The following GALNT5 variants were observed in gnomAD, a reference collection of about 807,000 sequenced individuals.
GALNT5 encodes polypeptide N-acetylgalactosaminyltransferase 5.
In GALNT5, 72 loss-of-function variants were observed where a neutral mutation model predicts 85.4. That is an observed-to-expected ratio of 0.84 (90% CI 0.70 to 1.03). The LOEUF is 1.03. Among genes scored for constraint, GALNT5 ranks in the 50% least tolerant of loss-of-function variants. The pLI is 0.00. For missense variants in GALNT5, 1,137 were observed against 1,135.5 expected (o/e 1.00, Z -0.02); for synonymous variants, 404 against 397.0 (o/e 1.02, Z -0.21).
At chr2:157,308,796 C>A in intron 9 of GALNT5, 68 bp downstream of exon 9, 1 of 1,240,684 alleles carries the variant, frequency 8.1e-7, no homozygotes, top group Non-Finnish European at 1.1e-6. Flanking sequence ...ACATAAAATT[C>A]TCATTGTCAC....
At chr2:157,290,112 T>TATATATATACAC (rs1416458086) in intron 3 of GALNT5, among the ~76,000 whole-genome samples, 1 of 138,260 alleles carries the variant, frequency 7.2e-6, no homozygotes, top group African/African-American at 3.1e-5. Flanking sequence ...TATATATATA[T>TATATATATACAC]ACATACACAA....
chr2:157,259,212 C>T lies in GALNT5; in HGVS notation c.1130C>T (p.Pro377Leu), dbSNP rs1405373331. Residue 377 changes from proline to leucine, a missense_variant, in exon 1 of 10, where the codon CCA (proline) becomes CTA (leucine). By Grantham distance (98) the Pro-to-Leu change is moderately conservative (BLOSUM62 -3). Transcript: ENST00000259056. ...TCTTCACTTGCTCCACATAGAGTGC[C>T]ACTGTCCCAAACTAACCATGCTTTA... The part of the protein sequence containing the change: ...SSSSLAPHRV[P>L]LSQTNHALTG... The T allele has an allele frequency of 6.3e-7, 1 of 1,587,352 alleles. No homozygotes were observed. The highest frequency in any genetic ancestry group is 1.2e-5 in the South Asian group (1 of 86,038).
chr2:157,268,314 G>A (rs1682504383), intron 1 of GALNT5, among the ~76,000 whole-genome samples: 1 of 152,184 alleles, frequency 6.6e-6, no homozygotes, highest in African/African-American at 2.4e-5. Flanking sequence ...GAAGCCAGGA[G>A]GGTGGGACGC....
chr2:157,261,233 T>G (rs1269781258), intron 1 of GALNT5, among the ~76,000 whole-genome samples: 2 of 150,714 alleles, frequency 1.3e-5, no homozygotes, highest in African/African-American at 4.9e-5. Flanking sequence ...AATTAGACAC[T>G]GCACAGAAGC....
intron 3 of GALNT5, among the ~76,000 whole-genome samples, chr2:157,291,044 CG>C (rs1376407471): frequency 2.6e-5 from 4 of 151,980 alleles, no homozygotes; most frequent in Admixed American, 2.6e-4. Flanking sequence ...ACAGGTAGGC[CG>C]GGGCAATGGA....
chr2:157,290,084 A>ATGTATATATAT (rs1683062281), intron 3 of GALNT5, among the ~76,000 whole-genome samples: 11 of 33,688 alleles, frequency 3.3e-4, no homozygotes, highest in Admixed American at 7.3e-4. Flanking sequence ...AAAAAAAAAA[A>ATGTATATATAT]ATGTATATAT....
chr2:157,258,556 G>T lies in GALNT5; in HGVS notation c.474G>T (p.Gly158=). ...AACCTGAAGCCTCCTCTCACCAGGGGACACCAAAGCAAACGACAGCTCAGG... is the reference window on the plus strand; with the variant it reads ...AACCTGAAGCCTCCTCTCACCAGGGTACACCAAAGCAAACGACAGCTCAGG... ...GTKPEASSHQ[G]TPKQTTAQGA... The change falls in exon 1 of 10, where the codon GGG becomes GGT. Residue 158 remains glycine (G), a synonymous_variant. Coordinates refer to ENST00000259056, the MANE Select transcript of GALNT5 (RefSeq NM_014568.3). The T allele has an allele frequency of 6.2e-7, 1 of 1,613,070 alleles. No individual in the cohort carries two copies. Among genetic ancestry groups the T allele is most frequent in the Non-Finnish European group, 8.5e-7 (1 of 1,179,862 alleles).
Position 157,258,183 on chromosome 2 carries a change from G to C in GALNT5, c.101G>C (p.Arg34Pro). The change falls in exon 1 of 10, where the codon CGC (arginine) becomes CCC (proline). Residue 34 changes from arginine (R) to proline (P), a missense_variant. By Grantham distance (103) the Arg-to-Pro change is moderately radical. Transcript: ENST00000259056. Reference protein sequence around the residue: ...IWLLFDMAALRLSFSEINTRV... With the variant: ...IWLLFDMAALPLSFSEINTRV... ...CTCCTCTTTGACATGGCAGCTCTCCGCCTCTCATTCAGTGAGATCAACACT... is the reference window on the plus strand; with the variant it reads ...CTCCTCTTTGACATGGCAGCTCTCCCCCTCTCATTCAGTGAGATCAACACT... 1.2e-6 allele frequency: 2 copies of C among 1,612,752 alleles called. No individual in the cohort carries two copies. The highest frequency in any genetic ancestry group is 2.7e-5 in the African/African-American group (2 of 74,518).
chr2:157,280,004 G>T (rs898892318), intron 1 of GALNT5, among the ~76,000 whole-genome samples: 2 of 152,204 alleles, frequency 1.3e-5, no homozygotes, highest in Non-Finnish European at 1.5e-5. Flanking sequence ...CTCCATGTTC[G>T]TCAGGCTGGT....
chr2:157,307,591 G>C (rs1683479881), intron 8 of GALNT5, among the ~76,000 whole-genome samples: 1 of 152,184 alleles, frequency 6.6e-6, no homozygotes, highest in African/African-American at 2.4e-5. Flanking sequence ...ATGTGGCTGA[G>C]ACTCCGCACT....
rs778176124 is a variant in GALNT5 at position 157,258,450 on chromosome 2, T to C, written c.368T>C (p.Val123Ala). Residue 123 changes from valine to alanine, a missense_variant, in exon 1 of 10, where the codon GTT becomes GCT. By Grantham distance (64) the Val-to-Ala change is moderately conservative (BLOSUM62 0). Coordinates refer to ENST00000259056, the MANE Select transcript of GALNT5 (RefSeq NM_014568.3). ...CAGAATGCCCTGGGAAGGGGCAAGG[T>C]TGTGCCGTTGTGGCATCCTGCACAT... ...KMQNALGRGK[V>A]VPLWHPAHLQ... 5 of 1,606,014 alleles carry C rather than the reference T, an allele frequency of 3.1e-6. No individual in the cohort carries two copies. Among genetic ancestry groups the C allele is most frequent in the South Asian group, 2.2e-5 (2 of 89,850 alleles).
At chr2:157,264,597 G>T (rs933032273) in intron 1 of GALNT5, among the ~76,000 whole-genome samples, 3 of 151,002 alleles carry the variant, frequency 2.0e-5, no homozygotes, top group Non-Finnish European at 3.0e-5. Flanking sequence ...CTAAAGAAAG[G>T]TTTTTTTTTG....
chr2:157,286,234 A>C, intron 3 of GALNT5, 100 bp downstream of exon 3: 2 of 892,648 alleles, frequency 2.2e-6, no homozygotes, highest in Non-Finnish European at 3.5e-6. Context: ...AATGATGCCT[A>C]TATATGCATC....
Position 157,258,104 on chromosome 2 carries a change from T to C in GALNT5, c.22T>C (p.Phe8Leu), listed in dbSNP as rs1335731640. ...TACCATGAACAGGATCCGAAAGTTT[T>C]TCCGAGGAAGTGGGCGAGTCTTGGC... MNRIRKF[F>L]RGSGRVLAFI... The change falls in exon 1 of 10, where the codon TTC becomes CTC. Residue 8 changes from phenylalanine to leucine, a missense_variant. Transcript: ENST00000259056. 3 of 1,613,984 alleles carry C rather than the reference T, an allele frequency of 1.9e-6. No homozygotes were observed. Among genetic ancestry groups the C allele is most frequent in the South Asian group, 1.1e-5 (1 of 91,076 alleles).
intron 1 of GALNT5, among the ~76,000 whole-genome samples, chr2:157,269,287 G>T (rs1682530772): frequency 6.6e-6 from 1 of 152,302 alleles, no homozygotes; most frequent in Middle Eastern, 3.4e-3. Flanking sequence ...TAGTAATGCA[G>T]GAGAACAGGT....
intron 1 of GALNT5, among the ~76,000 whole-genome samples, chr2:157,280,898 C>T (rs1682841675): frequency 6.6e-6 from 1 of 152,154 alleles, no homozygotes; most frequent in Non-Finnish European, 1.5e-5. Flanking sequence ...TGTCATGTAA[C>T]ATGCCTGCTC....
Position 157,314,444 on chromosome 2 carries a change from G to C in GALNT5, c.*3096G>C, listed in dbSNP as rs1381794429. Among the ~76,000 whole-genome samples the C allele has an allele frequency of 6.6e-6, 1 of 152,114 alleles. No homozygotes were observed. The highest frequency in any genetic ancestry group is 2.4e-5 in the African/African-American group (1 of 41,428). On this transcript the variant is annotated 3_prime_UTR_variant, in exon 10 of 10. Transcript: ENST00000259056. The stretch of plus-strand genomic sequence containing the variant: ...TTGTTCTATCACCAGCATCAAATTT[G>C]CTTAATACTGCTTGTTGACATCCCC...
intron 3 of GALNT5, among the ~76,000 whole-genome samples, chr2:157,288,150 A>C (rs1405198532): frequency 6.6e-6 from 1 of 152,172 alleles, no homozygotes; most frequent in Admixed American, 6.5e-5. Context: ...GCATGTTCTG[A>C]TGGGAAGTTT....
chr2:157,263,034 A>G lies in GALNT5; in HGVS notation c.1454+3498A>G, dbSNP rs184483901. Reference sequence around the variant, plus strand: ...AGTAGAGACGGGGTTTCACCGTGTTAGCCAGGATGGTCTCGATCTCCTGAC... The same window carrying G: ...AGTAGAGACGGGGTTTCACCGTGTTGGCCAGGATGGTCTCGATCTCCTGAC... On this transcript the variant is annotated intron_variant, in intron 1 of 9. Coordinates refer to ENST00000259056, the MANE Select transcript of GALNT5 (RefSeq NM_014568.3). Among the ~76,000 whole-genome samples the G allele has an allele frequency of 1.9e-3, 294 of 151,440 alleles. 6 individuals carry two copies. The highest frequency in any genetic ancestry group is 6.6e-3 in the African/African-American group (268 of 40,874).
Sources: gnomAD v4.1 joint callset for allele counts (sites outside exome capture counted in the v4.1 genomes callset) on GRCh38, gnomAD v4.1.1 for gene constraint, MANE v1.5 for transcripts, NCBI Gene and HGNC (gene_info 2026-07-23, HGNC 2026-07-21) for gene names.